Variants in PRKN observed in about 807,000 individuals in gnomAD.
The protein encoded by PRKN is E3 ubiquitin-protein ligase parkin.
Under a neutral mutation model 59.5 loss-of-function variants are expected in PRKN, and 56 were observed. That is an observed-to-expected ratio of 0.94 (90% CI 0.76 to 1.18). The LOEUF (loss-of-function observed/expected upper bound fraction) is 1.18. Among genes scored for constraint, PRKN ranks in the 50% most tolerant of loss-of-function variants. The pLI, the probability that PRKN is intolerant of heterozygous loss-of-function variation, is 0.00. For synonymous variants in PRKN, 250 were observed against 222.1 expected, an observed-to-expected ratio of 1.13 and a Z score of -1.12; for missense variants, 657 against 596.4, an observed-to-expected ratio of 1.10 and a Z score of -1.06.
intron 6 of PRKN, among the ~76,000 whole-genome samples, chr6:161,883,461 T>A (rs1583296146): frequency 8.2e-6 from 1 of 122,684 alleles, no homozygotes; most frequent in South Asian, 2.8e-4. Context: ...CACTCCAGCC[T>A]GGGTGACAGA....
chr6:161,507,331 T>C (rs1778211086), intron 9 of PRKN, among the ~76,000 whole-genome samples: 1 of 152,168 alleles, frequency 6.6e-6, no homozygotes, highest in Admixed American at 6.5e-5. Context: ...ACATTGCTCA[T>C]CTCTATGAAA....
chr6:161,868,395 G>A (rs759897548), intron 6 of PRKN, among the ~76,000 whole-genome samples: 2 of 151,580 alleles, frequency 1.3e-5, no homozygotes, highest in African/African-American at 4.9e-5. Flanking sequence ...CCTGGCTAAC[G>A]TGGCAAAACC....
In PRKN at chr6:161,566,633, C is replaced by T. The variant is rs1018386760; in HGVS notation, c.933+2722G>A. Among the ~76,000 whole-genome samples, 1 of 152,194 alleles carries T rather than the reference C, an allele frequency of 6.6e-6. No homozygotes were observed. ...TGTTGGTCAGGCTGGTCTCAGACTC[C>T]TGACCTCAGGTGATCCATTCGCCTT... On this transcript the variant is annotated intron_variant, in intron 8 of 11. Transcript: ENST00000366898. The surrounding 1 kb of genome is among the most constrained non-coding windows in gnomAD (Gnocchi z 4.1).
rs765860776 is a variant in PRKN at position 161,350,214 on chromosome 6, G to A, written c.1286-3C>T. ...ACACTTCATGTGCATGCAGCCTCCTGTTGGGGGCAGAAAACAAAGGTGTGG... is the reference window on the plus strand; with the variant it reads ...ACACTTCATGTGCATGCAGCCTCCTATTGGGGGCAGAAAACAAAGGTGTGG... On this transcript the variant is annotated splice_region_variant and splice_polypyrimidine_tract_variant and intron_variant, in intron 11 of 11. Coordinates refer to ENST00000366898, the MANE Select transcript of PRKN (RefSeq NM_004562.3). 6.2e-7 allele frequency: 1 copy of A among 1,608,138 alleles called. No individual in the cohort carries two copies. Among genetic ancestry groups the A allele is most frequent in the Non-Finnish European group, 8.5e-7 (1 of 1,175,694 alleles).
At chr6:162,193,894 T>C (rs1164444907) in intron 4 of PRKN, among the ~76,000 whole-genome samples, 1 of 152,108 alleles carries the variant, frequency 6.6e-6, no homozygotes, top group Non-Finnish European at 1.5e-5. Flanking sequence ...ATCCCTAAAA[T>C]GCTCCTAGGA....
intron 3 of PRKN, among the ~76,000 whole-genome samples, chr6:162,210,142 G>A (rs1043837486): frequency 2.6e-5 from 1 of 39,056 alleles, no homozygotes; most frequent in Non-Finnish European, 7.3e-5. Context: ...TAAAGAGGCA[G>A]CACCTCTCTG....
chr6:162,259,279 C>T (rs747251095), intron 3 of PRKN, among the ~76,000 whole-genome samples: 1 of 152,188 alleles, frequency 6.6e-6, no homozygotes, highest in South Asian at 2.1e-4. Context: ...TCCCACCCAG[C>T]GTCCGATTGT....
At chr6:162,585,659 G>T (rs1781014757) in intron 1 of PRKN, among the ~76,000 whole-genome samples, 2 of 152,064 alleles carry the variant, frequency 1.3e-5, no homozygotes, top group South Asian at 4.2e-4. Flanking sequence ...ACATTTCAGG[G>T]CAAATATACT....
intron 1 of PRKN, among the ~76,000 whole-genome samples, chr6:162,677,548 A>T (rs1287608939): frequency 2.0e-5 from 3 of 151,606 alleles, no homozygotes; most frequent in Admixed American, 1.3e-4. Context: ...ATATTTTCCA[A>T]CTGTTGTTTA....
At chr6:162,335,993 T>G (rs1783826840) in intron 2 of PRKN, among the ~76,000 whole-genome samples, 1 of 151,552 alleles carries the variant, frequency 6.6e-6, no homozygotes, top group African/African-American at 2.4e-5. Context: ...CTTGGCTTTC[T>G]CTGAGCAGTG....
At chr6:162,000,087 A>G (rs1380083480) in intron 5 of PRKN, among the ~76,000 whole-genome samples, 2 of 152,126 alleles carry the variant, frequency 1.3e-5, no homozygotes, top group Admixed American at 6.6e-5. Flanking sequence ...GCAATTATGA[A>G]TAAAGTCGCT....
intron 6 of PRKN, among the ~76,000 whole-genome samples, chr6:161,890,295 C>A (rs1795294662): frequency 6.6e-6 from 1 of 152,142 alleles, no homozygotes; most frequent in African/African-American, 2.4e-5. Context: ...TTGTAGCTGG[C>A]AAACTTCCCT....
chr6:161,382,809 C>T (rs1315551049), intron 10 of PRKN, among the ~76,000 whole-genome samples: 1 of 152,136 alleles, frequency 6.6e-6, no homozygotes, highest in Non-Finnish European at 1.5e-5. Flanking sequence ...TCAAAAAATA[C>T]ATTAAGTTTT....
chr6:161,542,429 T>A (rs1006788292), intron 9 of PRKN, among the ~76,000 whole-genome samples: 11 of 152,202 alleles, frequency 7.2e-5, no homozygotes, highest in African/African-American at 2.7e-4. Context: ...GCTTTCCAGA[T>A]GAATGGTATG....
chr6:162,362,869 C>T (rs1785216692), intron 2 of PRKN, among the ~76,000 whole-genome samples: 1 of 151,882 alleles, frequency 6.6e-6, no homozygotes, highest in African/African-American at 2.4e-5. Flanking sequence ...TGGCTCACGC[C>T]TGTAATCTCA....
chr6:161,875,543 A>G (rs1745424851), intron 6 of PRKN, among the ~76,000 whole-genome samples: 1 of 152,054 alleles, frequency 6.6e-6, no homozygotes, highest in South Asian at 2.1e-4. Context: ...AAACTATGGA[A>G]AATGGGCTAG....
intron 7 of PRKN, among the ~76,000 whole-genome samples, chr6:161,738,760 G>T (rs1454638007): frequency 1.3e-5 from 2 of 152,148 alleles, no homozygotes; most frequent in Non-Finnish European, 2.9e-5. Flanking sequence ...CATCAGGCTG[G>T]CTGGAGCCTG....
intron 1 of PRKN, among the ~76,000 whole-genome samples, chr6:162,644,441 G>A (rs998682006): frequency 6.6e-6 from 1 of 152,138 alleles, no homozygotes; most frequent in Non-Finnish European, 1.5e-5. Flanking sequence ...ACCATCACTG[G>A]AGCCATCATC....
chr6:162,167,987 T>C (rs1004118043), intron 4 of PRKN, among the ~76,000 whole-genome samples: 5 of 152,180 alleles, frequency 3.3e-5, no homozygotes, highest in Admixed American at 3.3e-4. Flanking sequence ...TTTTCACTAA[T>C]TCACATGACA....
Sources: gnomAD v4.1 joint callset for allele counts (sites outside exome capture counted in the v4.1 genomes callset) on GRCh38, gnomAD v4.1.1 for gene constraint, Gnocchi (gnomAD v3.1) non-coding constraint, MANE v1.5 for transcripts, NCBI Gene and HGNC (gene_info 2026-07-23, HGNC 2026-07-21) for gene names.